The following GATAD2A variants were observed in gnomAD, a reference collection of about 807,000 sequenced individuals.
The protein encoded by GATAD2A is GATA zinc finger domain containing 2A, also known as transcriptional repressor p66-alpha.
In GATAD2A, 12 loss-of-function variants were observed where a neutral mutation model predicts 68.5. That is an observed-to-expected ratio of 0.18 (90% CI 0.11 to 0.28). The LOEUF is 0.28. Among genes scored for constraint, GATAD2A ranks in the 10% least tolerant of loss-of-function variants. The probability of loss-of-function intolerance (pLI) is 1.00; values close to 1 mark genes in which losing one functional copy is unlikely to be tolerated. For synonymous variants in GATAD2A, 410 were observed against 375.3 expected (o/e 1.09, Z -1.07); for missense variants, 755 against 868.5 (o/e 0.87, Z 1.64).
intron 1 of GATAD2A, among the ~76,000 whole-genome samples, chr19:19,412,818 C>G (rs1289232042): frequency 1.3e-5 from 2 of 152,088 alleles, no homozygotes; most frequent in Non-Finnish European, 2.9e-5. Flanking sequence ...GGCTGCTTGC[C>G]CTGACCTCGG....
intron 9 of GATAD2A, 56 bp downstream of exon 9, chr19:19,501,472 G>T (rs765799647): frequency 7.3e-7 from 1 of 1,363,644 alleles, no homozygotes; most frequent in Non-Finnish European, 1.0e-6. Flanking sequence ...GCCGTTCCGC[G>T]ATCCACCCCA....
At chr19:19,491,865 G>A (rs529953462) in intron 2 of GATAD2A, among the ~76,000 whole-genome samples, 102 of 152,310 alleles carry the variant, frequency 6.7e-4, no homozygotes, top group South Asian at 1.7e-3. Flanking sequence ...CAGGGGCTGC[G>A]GGCTGGTGGC....
chr19:19,442,894 G>A (rs1435484441), intron 1 of GATAD2A, among the ~76,000 whole-genome samples: 1 of 152,022 alleles, frequency 6.6e-6, no homozygotes, highest in Admixed American at 6.6e-5. Flanking sequence ...TAGAGGGAAA[G>A]CAACAGGCAT....
At chr19:19,453,532 G>A (rs952125961) in intron 1 of GATAD2A, among the ~76,000 whole-genome samples, 15 of 152,082 alleles carry the variant, frequency 9.9e-5, no homozygotes, top group African/African-American at 3.1e-4. Flanking sequence ...GTCTTGCTCC[G>A]TTGCCCAGGC....
chr19:19,415,030 T>C (rs565894112), intron 1 of GATAD2A, among the ~76,000 whole-genome samples: 3 of 151,334 alleles, frequency 2.0e-5, no homozygotes, highest in Admixed American at 1.3e-4. Flanking sequence ...GGTGGGAGGA[T>C]TGCTTGAGGC....
intron 1 of GATAD2A, among the ~76,000 whole-genome samples, chr19:19,438,857 G>C (rs1315372615): frequency 6.6e-6 from 1 of 152,228 alleles, no homozygotes; most frequent in Non-Finnish European, 1.5e-5. Context: ...ATTTCTTCAG[G>C]ACTTATAAAT....
At chr19:19,498,860 C>T in intron 8 of GATAD2A, 138 bp downstream of exon 8, 3 of 690,384 alleles carry the variant, frequency 4.3e-6, no homozygotes, top group Non-Finnish European at 7.4e-6. Flanking sequence ...TTGGCAGGGA[C>T]ACCGTCAGTG....
At chr19:19,464,985 A>C (rs2057752292) in intron 1 of GATAD2A, 3 of 343,850 alleles carry the variant, frequency 8.7e-6, no homozygotes, top group Non-Finnish European at 1.6e-5. Context: ...TGAGATCTAG[A>C]ACAACTTTTC....
intron 1 of GATAD2A, among the ~76,000 whole-genome samples, chr19:19,463,264 G>A (rs1217631630): frequency 6.6e-6 from 1 of 152,168 alleles, no homozygotes; most frequent in African/African-American, 2.4e-5. Context: ...CCCACACTCT[G>A]AGGGCAGTGA....
intron 1 of GATAD2A, among the ~76,000 whole-genome samples, chr19:19,420,599 G>C (rs1002922222): frequency 6.7e-6 from 1 of 148,550 alleles, no homozygotes; most frequent in Non-Finnish European, 1.5e-5. Context: ...CTTGGCCTCC[G>C]AAAGTGCTGG....
At chr19:19,393,373 G>C (rs2048990298) in intron 1 of GATAD2A, among the ~76,000 whole-genome samples, 1 of 152,114 alleles carries the variant, frequency 6.6e-6, no homozygotes, top group Admixed American at 6.6e-5. Flanking sequence ...ATAAGATATG[G>C]TGTATGTGTG....
At chr19:19,428,094 T>C (rs1047579520) in intron 1 of GATAD2A, 3 of 152,236 alleles carry the variant, frequency 2.0e-5, no homozygotes, top group African/African-American at 4.8e-5. Flanking sequence ...AGTTCCTAGA[T>C]CCTCAGTATT....
chr19:19,436,850 G>A (rs1417334800), intron 1 of GATAD2A, among the ~76,000 whole-genome samples: 1 of 152,212 alleles, frequency 6.6e-6, no homozygotes, highest in Non-Finnish European at 1.5e-5. Flanking sequence ...CAGCCCCTGG[G>A]TCAGCTGCTC....
chr19:19,405,493 G>A (rs1325617417), upstream of GATAD2A, among the ~76,000 whole-genome samples: 2 of 152,124 alleles, frequency 1.3e-5, no homozygotes, highest in African/African-American at 2.4e-5. Context: ...GGAGCCAGCC[G>A]GAGCCCGCGT....
At chr19:19,426,264 T>C (rs1405515144) in intron 1 of GATAD2A, among the ~76,000 whole-genome samples, 2 of 152,160 alleles carry the variant, frequency 1.3e-5, no homozygotes, top group Non-Finnish European at 2.9e-5. Flanking sequence ...GAAGTGTATT[T>C]GGGATGTCTC....
intron 11 of GATAD2A, among the ~76,000 whole-genome samples, 165 bp from the exon 12 acceptor site, chr19:19,505,179 G>T (rs2060806058): frequency 1.3e-5 from 2 of 152,124 alleles, no homozygotes; most frequent in East Asian, 1.9e-4. Flanking sequence ...CTCTGGGGGG[G>T]CCTGGGATTT....
At chr19:19,481,222 C>T (rs182430792) in intron 2 of GATAD2A, among the ~76,000 whole-genome samples, 2 of 152,260 alleles carry the variant, frequency 1.3e-5, no homozygotes, top group African/African-American at 4.8e-5. Context: ...CTTTACTCTC[C>T]CCACACCAGG....
intron 1 of GATAD2A, among the ~76,000 whole-genome samples, chr19:19,407,067 A>C (rs2050362200): frequency 1.3e-5 from 2 of 152,128 alleles, no homozygotes; most frequent in African/African-American, 4.8e-5. Context: ...GTTTTCTTGG[A>C]GTACATAGTG....
Position 19,505,561 on chromosome 19 carries a change from G to A in GATAD2A, c.*87G>A. ...GGACCCACTGCACCACCCTCCGCTG[G>A]CTCGGGAAGACACCGTGCCCGCCCC... On this transcript the variant is annotated 3_prime_UTR_variant, in exon 12 of 12. Transcript: ENST00000683918. The A allele has an allele frequency of 8.0e-7, 1 of 1,249,546 alleles. No individual in the cohort carries two copies. The highest frequency in any genetic ancestry group is 1.1e-6 in the Non-Finnish European group (1 of 919,272). The allele number at this position is 1,249,546 out of a possible 1,614,324, so 77.4% of individuals were successfully genotyped here.
Sources: gnomAD v4.1 joint callset for allele counts (sites outside exome capture counted in the v4.1 genomes callset) on GRCh38, gnomAD v4.1.1 for gene constraint, MANE v1.5 for transcripts, NCBI Gene and HGNC (gene_info 2026-07-23, HGNC 2026-07-21) for gene names.